The following MAP3K3 variants were observed in gnomAD, a reference collection of about 807,000 sequenced individuals.
MAP3K3 encodes MAP/ERK kinase kinase 3.
Under a neutral mutation model 80.9 loss-of-function variants are expected in MAP3K3, and 12 were observed. That is an observed-to-expected ratio of 0.15 (90% CI 0.10 to 0.24). MAP3K3 has a LOEUF of 0.24. MAP3K3 is among the 10% of genes least tolerant of loss of function. The pLI is 1.00. For synonymous variants in MAP3K3, 272 were observed against 307.1 expected, an observed-to-expected ratio of 0.89 and a Z score of 1.19; for missense variants, 596 against 834.7, an observed-to-expected ratio of 0.71 and a Z score of 3.52.
chr17:63,651,573 C>A (rs1453088119), intron 3 of MAP3K3, among the ~76,000 whole-genome samples: 1 of 152,224 alleles, frequency 6.6e-6, no homozygotes, highest in Non-Finnish European at 1.5e-5. Flanking sequence ...ATGGACCTGT[C>A]ACCCAGCTTC....
At chr17:63,687,591 G>A (rs1410348436) in intron 8 of MAP3K3, among the ~76,000 whole-genome samples, 2 of 152,102 alleles carry the variant, frequency 1.3e-5, no homozygotes, top group Non-Finnish European at 2.9e-5. Flanking sequence ...TTGGGAGGCT[G>A]AGGCAGGAGA....
intron 2 of MAP3K3, among the ~76,000 whole-genome samples, chr17:63,639,366 G>A (rs1200947760): frequency 6.6e-6 from 1 of 152,228 alleles, no homozygotes; most frequent in Admixed American, 6.5e-5. Flanking sequence ...AACAAGGTGA[G>A]CTTTGATCTG....
intron 8 of MAP3K3, among the ~76,000 whole-genome samples, chr17:63,686,948 A>G (rs1267212133): frequency 6.6e-6 from 1 of 152,190 alleles, no homozygotes; most frequent in Non-Finnish European, 1.5e-5. Flanking sequence ...GGCTTCAGAC[A>G]AGTCTTTTAA....
chr17:63,667,286 T>C lies in MAP3K3; in HGVS notation c.502+226T>C, dbSNP rs530203202. Among the ~76,000 whole-genome samples the C allele has an allele frequency of 9.2e-5, 14 of 152,358 alleles. No homozygotes were observed. The South Asian group carries it at 2.7e-3, about 29-fold the overall frequency. On this transcript the variant is annotated intron_variant, in intron 6 of 15. Transcript: ENST00000361733. ...AAAATATAATGATATAGTAGTGTGA[T>C]TAAATTCCTTTTAAACATCCCTGAA...
chr17:63,676,605 T>G (rs1212621941), intron 6 of MAP3K3, among the ~76,000 whole-genome samples: 2 of 152,238 alleles, frequency 1.3e-5, no homozygotes, highest in Admixed American at 1.3e-4. Context: ...GAGAACCCAC[T>G]GTAGCTAGTT....
chr17:63,641,543 G>C (rs1336990241), intron 2 of MAP3K3, among the ~76,000 whole-genome samples: 1 of 152,094 alleles, frequency 6.6e-6, no homozygotes, highest in Non-Finnish European at 1.5e-5. Flanking sequence ...GCCTAGTGCA[G>C]TTAGGTTTAA....
At chr17:63,632,635 G>T in intron 1 of MAP3K3, 46 bp from the exon 2 acceptor site, 1 of 1,608,278 alleles carries the variant, frequency 6.2e-7, no homozygotes, top group South Asian at 1.1e-5. Flanking sequence ...GAGCTTTGCT[G>T]GTCTGTATTT....
At chr17:63,678,307 C>T in intron 6 of MAP3K3, among the ~76,000 whole-genome samples, 1 of 152,144 alleles carries the variant, frequency 6.6e-6, no homozygotes, top group Non-Finnish European at 1.5e-5. Flanking sequence ...GGTACAATAT[C>T]CCTAAATTTA....
chr17:63,674,319 C>T (rs1412761037), intron 6 of MAP3K3, among the ~76,000 whole-genome samples: 1 of 152,118 alleles, frequency 6.6e-6, no homozygotes, highest in Admixed American at 6.5e-5. Context: ...AATCCCAGCA[C>T]TTTGGGAGGC....
chr17:63,659,479 T>C (rs1324813351), intron 5 of MAP3K3, among the ~76,000 whole-genome samples: 1 of 151,468 alleles, frequency 6.6e-6, no homozygotes, highest in Non-Finnish European at 1.5e-5. Flanking sequence ...TAACTATATG[T>C]GATGAAATAT....
chr17:63,679,316 C>G (rs1402725804), intron 6 of MAP3K3, among the ~76,000 whole-genome samples: 1 of 152,190 alleles, frequency 6.6e-6, no homozygotes, highest in Non-Finnish European at 1.5e-5. Flanking sequence ...GTCTCTCTGG[C>G]TCAGGGAGTT....
intron 4 of MAP3K3, among the ~76,000 whole-genome samples, chr17:63,654,561 A>G (rs1415829991): frequency 1.3e-5 from 2 of 152,130 alleles, no homozygotes; most frequent in Non-Finnish European, 2.9e-5. Flanking sequence ...TATGTTTTCA[A>G]TTCTGTAAGG....
intron 1 of MAP3K3, among the ~76,000 whole-genome samples, chr17:63,628,226 T>A (rs2034143655): frequency 6.6e-6 from 1 of 151,372 alleles, no homozygotes; most frequent in Non-Finnish European, 1.5e-5. Flanking sequence ...TCTTAAAGAA[T>A]CTTTAGTCTG....
At chr17:63,639,650 T>C (rs1263120501) in intron 2 of MAP3K3, among the ~76,000 whole-genome samples, 1 of 152,162 alleles carries the variant, frequency 6.6e-6, no homozygotes, top group Non-Finnish European at 1.5e-5. Context: ...CTCCCTGCAT[T>C]TGCTACATAC....
intron 2 of MAP3K3, among the ~76,000 whole-genome samples, chr17:63,635,020 G>T (rs1055087071): frequency 6.6e-6 from 1 of 152,202 alleles, no homozygotes. Context: ...CTTCTGTGAT[G>T]ACAGAAATGT....
chr17:63,686,056 T>TCAA (rs2035442154), intron 8 of MAP3K3, among the ~76,000 whole-genome samples: 3 of 152,076 alleles, frequency 2.0e-5, no homozygotes, highest in African/African-American at 7.2e-5. Context: ...ACCTGCTTGG[T>TCAA]GTATATCTTC....
chr17:63,694,651 GT>G lies in MAP3K3; in HGVS notation c.*876del, dbSNP rs2143650224. 1 of 152,888 alleles carries G rather than the reference GT, an allele frequency of 6.5e-6. No individual in the cohort carries two copies. Among genetic ancestry groups the G allele is most frequent in the East Asian group, 1.9e-4 (1 of 5,186 alleles). The allele number at this position is 152,888 out of a possible 1,614,324, so 9.5% of individuals were successfully genotyped here. On this transcript the variant is annotated 3_prime_UTR_variant, in exon 16 of 16. Transcript: ENST00000361733. The stretch of plus-strand genomic sequence containing the variant: ...CCTTTGCGCTCCTGGCCCAGCCTTT[GT>G]TCCCCACTGGAGCAGAAGGGGAGAT...
rs368232481 is a variant in MAP3K3 at position 63,691,189 on chromosome 17, C to G, written c.1300C>G (p.Arg434Gly). The change falls in exon 13 of 16, where the codon CGC (arginine) becomes GGC (glycine). Residue 434 changes from arginine (R) to glycine (G), a missense_variant. By Grantham distance (125) the Arg-to-Gly change is moderately radical. Around this residue, in one of 2 missense-constraint regions of MAP3K3, gnomAD observed 364 missense variants for 588.9 expected, o/e 0.62. Coordinates refer to ENST00000361733, the MANE Select transcript of MAP3K3 (RefSeq NM_002401.5). The surrounding 1 kb of genome is among the most constrained non-coding windows in gnomAD (Gnocchi z 4.8). ...IVQYYGCLRDRAEKTLTIFME... is the reference protein window; with the variant it reads ...IVQYYGCLRDGAEKTLTIFME... ...GCAGTACTATGGCTGTCTGCGGGAC[C>G]GCGCTGAGAAGACCCTGACCATCTT... is the stretch of plus-strand genomic sequence containing the variant. 5.6e-6 allele frequency: 9 copies of G among 1,614,196 alleles called. No individual in the cohort carries two copies. In the South Asian group the frequency reaches 9.9e-5, roughly 18 times the overall value.
chr17:63,677,615 T>C (rs2035244919), intron 6 of MAP3K3, among the ~76,000 whole-genome samples: 1 of 152,210 alleles, frequency 6.6e-6, no homozygotes, highest in Non-Finnish European at 1.5e-5. Flanking sequence ...ATCTTGTCTT[T>C]GCCTACAAAC....
Sources: allele counts gnomAD v4.1 joint callset (sites outside exome capture counted in the v4.1 genomes callset), GRCh38; gene constraint gnomAD v4.1.1; regional missense constraint gnomAD v4.1.1; non-coding constraint Gnocchi (gnomAD v3.1); transcripts MANE v1.5; gene names NCBI Gene and HGNC (gene_info 2026-07-23, HGNC 2026-07-21).